Variants in TRDN observed in about 807,000 individuals in gnomAD.
TRDN encodes the protein triadin in skeletal muscle.
In TRDN, 161 loss-of-function variants were observed where a neutral mutation model predicts 149.7. The ratio of observed to expected loss-of-function variants is 1.08; its 90% confidence interval spans 0.95 to 1.23. TRDN has a LOEUF of 1.23. Among genes scored for constraint, TRDN ranks in the 50% most tolerant of loss-of-function variants. The pLI is 0.00. For missense variants in TRDN, 896 were observed against 823.5 expected (o/e 1.09, Z -1.08); for synonymous variants, 294 against 250.5 (o/e 1.17, Z -1.64).
intron 4 of TRDN, among the ~76,000 whole-genome samples, chr6:123,533,079 G>A (rs2114352915): frequency 6.6e-6 from 1 of 152,228 alleles, no homozygotes; most frequent in Non-Finnish European, 1.5e-5. Flanking sequence ...CTGGTCTTTG[G>A]ACGTACTAAG....
At chr6:123,586,415 G>T (rs997728276) in intron 1 of TRDN, among the ~76,000 whole-genome samples, 3 of 152,100 alleles carry the variant, frequency 2.0e-5, no homozygotes, top group Admixed American at 2.0e-4. Context: ...GGTTGGGACT[G>T]AGGGGACAGG....
At chr6:123,340,989 C>G (rs188815446) in intron 21 of TRDN, among the ~76,000 whole-genome samples, 71 of 151,898 alleles carry the variant, frequency 4.7e-4, no homozygotes, top group African/African-American at 1.3e-3. Flanking sequence ...ATGAATGTCT[C>G]TTTGTTTTAT....
chr6:123,231,508 G>T (rs946156488), intron 38 of TRDN, among the ~76,000 whole-genome samples: 12 of 151,884 alleles, frequency 7.9e-5, no homozygotes, highest in African/African-American at 2.9e-4. Flanking sequence ...GTTCAATTGG[G>T]CTAGCACCTA....
rs34195939 is a variant in TRDN at position 123,280,652 on chromosome 6, C to CTTTTT, written c.1511-1575_1511-1571dup. Reference sequence around the variant, plus strand: ...TCTTTTTGTTCCTCTTCTTTTCTTTCTTTTTTTTTTTTTTTGGCTAACCTC... The same window carrying CTTTTT: ...TCTTTTTGTTCCTCTTCTTTTCTTTCTTTTTTTTTTTTTTTTTTTTGGCTAACCTC... On this transcript the variant is annotated intron_variant, in intron 24 of 40. Transcript: ENST00000334268. Among the ~76,000 whole-genome samples the CTTTTT allele has an allele frequency of 5.9e-5, 8 of 135,530 alleles. No homozygotes were observed. In the East Asian group the frequency reaches 6.5e-4, roughly 11 times the overall value. The allele number at this position is 135,530 out of a possible 152,430, so 88.9% of individuals were successfully genotyped here. A position where few individuals can be genotyped will look rare whatever the true frequency, so the allele number is the denominator to read the frequency against.
At chr6:123,455,435 TG>T (rs1776055521) in intron 10 of TRDN, among the ~76,000 whole-genome samples, 1 of 149,222 alleles carries the variant, frequency 6.7e-6, no homozygotes, top group Non-Finnish European at 1.5e-5. Context: ...TGTGTGTGTG[TG>T]TGTCTGTGTG....
intron 4 of TRDN, among the ~76,000 whole-genome samples, chr6:123,531,115 C>A (rs1026480912): frequency 1.3e-5 from 2 of 151,916 alleles, no homozygotes; most frequent in Non-Finnish European, 2.9e-5. Flanking sequence ...GTTAGTTGTA[C>A]TTTTTTTCTA....
At chr6:123,330,495 AT>A (rs1180227000) in intron 23 of TRDN, among the ~76,000 whole-genome samples, 7 of 152,058 alleles carry the variant, frequency 4.6e-5, no homozygotes, top group South Asian at 2.1e-4. Context: ...ACTAATTTAC[AT>A]ATCGTGTCAA....
chr6:123,243,089 G>A (rs1259743169), intron 38 of TRDN, among the ~76,000 whole-genome samples: 1 of 152,120 alleles, frequency 6.6e-6, no homozygotes, highest in African/African-American at 2.4e-5. Flanking sequence ...TTCCACTGTT[G>A]CTGCTGAAGG....
intron 2 of TRDN, among the ~76,000 whole-genome samples, chr6:123,565,123 T>G (rs1334766711): frequency 1.3e-5 from 2 of 152,158 alleles, no homozygotes; most frequent in African/African-American, 4.8e-5. Flanking sequence ...GCAAAAGAAA[T>G]TTGTAAGAAA....
chr6:123,382,002 T>C (rs947370822), intron 15 of TRDN, 116 bp downstream of exon 15: 2 of 669,362 alleles, frequency 3.0e-6, no homozygotes, highest in African/African-American at 3.8e-5. Context: ...TCTCAATCAT[T>C]TTTTCTTCTC....
chr6:123,297,932 C>T (rs1241186856), intron 24 of TRDN, among the ~76,000 whole-genome samples: 3 of 151,960 alleles, frequency 2.0e-5, no homozygotes, highest in Non-Finnish European at 4.4e-5. Context: ...GTAAATGATA[C>T]CATACTTCAC....
At chr6:123,474,838 C>T (rs1171993758) in intron 9 of TRDN, among the ~76,000 whole-genome samples, 2 of 151,816 alleles carry the variant, frequency 1.3e-5, no homozygotes, top group South Asian at 2.1e-4. Flanking sequence ...GGGTACATAA[C>T]GAAATGAAGG....
chr6:123,261,840 T>C (rs9388205), intron 33 of TRDN, among the ~76,000 whole-genome samples: 26,815 of 151,816 alleles, frequency 0.18, 3,083 homozygotes, highest in East Asian at 0.54. Context: ...TTAGTAGCAG[T>C]ATTACAAACT....
chr6:123,582,303 G>A (rs537363490), intron 1 of TRDN, among the ~76,000 whole-genome samples: 4 of 152,222 alleles, frequency 2.6e-5, no homozygotes, highest in South Asian at 2.1e-4. Context: ...CAATAGACAG[G>A]TGTGTCTGGG....
In TRDN at chr6:123,581,786, A is replaced by C. The variant is rs974649544; in HGVS notation, c.23-10654T>G. Among the ~76,000 whole-genome samples, 14 of 152,338 alleles carry C rather than the reference A, an allele frequency of 9.2e-5. No homozygotes were observed. The East Asian group carries it at 1.9e-3, about 21-fold the overall frequency. Reference sequence around the variant, plus strand: ...TGTTTTAGAAAAAAATGACAGAAAGAAAGCATATATTCAGTAAATAATGCC... The same window carrying C: ...TGTTTTAGAAAAAAATGACAGAAAGCAAGCATATATTCAGTAAATAATGCC... On this transcript the variant is annotated intron_variant, in intron 1 of 40. Coordinates refer to ENST00000334268, the MANE Select transcript of TRDN (RefSeq NM_006073.4).
At chr6:123,349,273 T>C (rs1257612218) in intron 21 of TRDN, among the ~76,000 whole-genome samples, 4 of 152,124 alleles carry the variant, frequency 2.6e-5, no homozygotes, top group African/African-American at 9.6e-5. Context: ...CTAATGGTTC[T>C]CTTGAAAATA....
Position 123,366,737 on chromosome 6 carries a change from T to C in TRDN, c.1274-555A>G, listed in dbSNP as rs76139205. 5.5e-3 allele frequency among the ~76,000 whole-genome samples: 843 copies of C among 152,150 alleles called. 16 individuals carry two copies. The East Asian group carries it at 0.075, about 14-fold the overall frequency. On this transcript the variant is annotated intron_variant, in intron 19 of 40. Coordinates refer to ENST00000334268, the MANE Select transcript of TRDN (RefSeq NM_006073.4). Reference sequence around the variant, plus strand: ...TTCACCATGTTGGCCAGGCTGGTCTTGAACTCCTGACCTCAGGTGATCCGC... The same window carrying C: ...TTCACCATGTTGGCCAGGCTGGTCTCGAACTCCTGACCTCAGGTGATCCGC...
intron 5 of TRDN, chr6:123,529,291 C>A: frequency 3.9e-6 from 6 of 1,548,988 alleles, no homozygotes; most frequent in Non-Finnish European, 4.4e-6. Flanking sequence ...CTGTGTCCAA[C>A]TTCTGTGATC....
At chr6:123,541,737 TTC>T (rs1405907057) in intron 4 of TRDN, among the ~76,000 whole-genome samples, 1 of 152,180 alleles carries the variant, frequency 6.6e-6, no homozygotes, top group African/African-American at 2.4e-5. Flanking sequence ...GTAACCAATA[TTC>T]TGAGGCTATG....
Sources: gnomAD v4.1 joint callset for allele counts (sites outside exome capture counted in the v4.1 genomes callset) on GRCh38, gnomAD v4.1.1 for gene constraint, MANE v1.5 for transcripts, NCBI Gene and HGNC (gene_info 2026-07-23, HGNC 2026-07-21) for gene names.